SLX4IP: variants seen among roughly 807,000 people sequenced by gnomAD.
SLX4IP encodes SLX4 interacting protein.
A neutral mutation model predicts 32.9 loss-of-function variants in SLX4IP; 34 were observed. The ratio of observed to expected loss-of-function variants is 1.03; its 90% CI spans 0.79 to 1.38. SLX4IP has a LOEUF of 1.38. Ranked by LOEUF, SLX4IP falls within the 40% of genes most tolerant of loss-of-function variation. The probability of loss-of-function intolerance (pLI) is 0.00; values close to 1 mark genes in which losing one functional copy is unlikely to be tolerated. For synonymous variants in SLX4IP, 172 were observed against 171.7 expected (o/e 1.00, Z -0.01); for missense variants, 444 against 479.0 (o/e 0.93, Z 0.68).
intron 4 of SLX4IP, among the ~76,000 whole-genome samples, chr20:10,581,473 T>C (rs1253128258): frequency 6.6e-6 from 1 of 152,172 alleles, no homozygotes; most frequent in African/African-American, 2.4e-5. Context: ...CAAGATGTAG[T>C]GTATTATTAC....
rs148747218 is a variant in SLX4IP, at chr20:10,556,235, G to A, written c.32G>A (p.Gly11Glu). The A allele has an allele frequency of 6.2e-7, 1 of 1,613,156 alleles. No homozygotes were observed. The highest frequency in any genetic ancestry group is 8.5e-7 in the Non-Finnish European group (1 of 1,179,750). ...TCTGCCATTAATGTCTTTCAGTGTGGGAATTTTGCTGTCCTCGTGGATCTT... is the reference window on the plus strand; with the variant it reads ...TCTGCCATTAATGTCTTTCAGTGTGAGAATTTTGCTGTCCTCGTGGATCTT... MASKKFAVKC[G>E]NFAVLVDLHI... The change falls in exon 3 of 8, where the codon GGG becomes GAG. Residue 11 changes from glycine to glutamate, a missense_variant. Transcript: ENST00000334534.
intron 2 of SLX4IP, among the ~76,000 whole-genome samples, chr20:10,538,940 G>T (rs981442169): frequency 6.6e-6 from 1 of 152,216 alleles, no homozygotes; most frequent in Non-Finnish European, 1.5e-5. Context: ...AAGGAATTAA[G>T]GGTGGGGAAT....
intron 2 of SLX4IP, among the ~76,000 whole-genome samples, chr20:10,550,166 A>G (rs543006178): frequency 3.2e-4 from 49 of 152,326 alleles, no homozygotes; most frequent in African/African-American, 7.2e-4. Context: ...ACTTGGGACT[A>G]TGGTGGGAAT....
At chr20:10,587,396 A>G (rs887500978) in intron 4 of SLX4IP, among the ~76,000 whole-genome samples, 2 of 152,190 alleles carry the variant, frequency 1.3e-5, no homozygotes, top group African/African-American at 4.8e-5. Flanking sequence ...TAACAGTGTT[A>G]GCTTTATAAT....
chr20:10,444,189 T>G (rs1445545845), intron 1 of SLX4IP, among the ~76,000 whole-genome samples: 1 of 152,188 alleles, frequency 6.6e-6, no homozygotes, highest in African/African-American at 2.4e-5. Flanking sequence ...TAGAGGTACT[T>G]TAAGAGGCTG....
chr20:10,436,075 G>A (rs2065110526), intron 1 of SLX4IP, among the ~76,000 whole-genome samples: 1 of 151,874 alleles, frequency 6.6e-6, no homozygotes, highest in South Asian at 2.1e-4. Context: ...TTTTTGGCCG[G>A]GTGTAGGAAT....
chr20:10,582,154 G>C (rs1373795536), intron 4 of SLX4IP, among the ~76,000 whole-genome samples: 3 of 152,176 alleles, frequency 2.0e-5, no homozygotes, highest in African/African-American at 7.2e-5. Context: ...TTCATGGAAT[G>C]ACAGGGCTGT....
intron 2 of SLX4IP, among the ~76,000 whole-genome samples, chr20:10,536,817 G>A (rs529156813): frequency 3.1e-4 from 47 of 152,358 alleles, no homozygotes; most frequent in African/African-American, 1.1e-3. Context: ...ATGGAACCAT[G>A]TGAGGGTCTA....
At position 10,450,646 on chromosome 20, in the gene SLX4IP, G is replaced by A. The variant is rs1352994514; in HGVS notation, c.-29-7530G>A. Among the ~76,000 whole-genome samples, 4 of 152,184 alleles carry A rather than the reference G, an allele frequency of 2.6e-5. No individual in the cohort carries two copies. In the East Asian group the frequency reaches 7.7e-4, roughly 29 times the overall value. On this transcript the variant is annotated intron_variant, in intron 1 of 7. Transcript: ENST00000334534. ...AAAAAATTAGGATCTCATCACATAG[G>A]AGGCAAACATTAAAACATTAAAAAT...
intron 2 of SLX4IP, among the ~76,000 whole-genome samples, chr20:10,498,316 T>G (rs1183096235): frequency 6.6e-6 from 1 of 152,004 alleles, no homozygotes; most frequent in East Asian, 1.9e-4. Context: ...TAGGTCAATC[T>G]GTTAGCAGAA....
At chr20:10,528,943 C>T (rs1008408274) in intron 2 of SLX4IP, among the ~76,000 whole-genome samples, 9 of 152,186 alleles carry the variant, frequency 5.9e-5, no homozygotes, top group Non-Finnish European at 1.2e-4. Context: ...CCTGAGCTTT[C>T]CTTTATGCAC....
In SLX4IP at chr20:10,622,977, C is replaced by T. The variant is rs1319642440; in HGVS notation, c.825C>T (p.Ser275=). 1.2e-6 allele frequency: 2 copies of T among 1,614,050 alleles called. No homozygotes were observed. Among genetic ancestry groups the T allele is most frequent in the East Asian group, 2.2e-5 (1 of 44,880 alleles). ...TGLLSRSPVC[S]CESASPCPKQ... ...TTCTAAGCAGGAGCCCCGTCTGTAG[C>T]TGTGAGTCAGCATCACCATGTCCAA... is the stretch of plus-strand genomic sequence containing the variant. The change falls in exon 8 of 8, where the codon AGC becomes AGT. Residue 275 remains serine (S), a synonymous_variant. Coordinates refer to ENST00000334534, the MANE Select transcript of SLX4IP (RefSeq NM_001009608.3).
chr20:10,610,477 G>A (rs777377777), intron 6 of SLX4IP, among the ~76,000 whole-genome samples: 4 of 152,368 alleles, frequency 2.6e-5, no homozygotes, highest in South Asian at 2.1e-4. Context: ...GGCCAGACAC[G>A]TGTGGAATGA....
At chr20:10,538,127 C>G (rs138469861) in intron 2 of SLX4IP, among the ~76,000 whole-genome samples, 2 of 152,066 alleles carry the variant, frequency 1.3e-5, no homozygotes, top group African/African-American at 2.4e-5. Context: ...TTTGTTGTTC[C>G]GGGCAGCTGG....
At chr20:10,617,498 C>G (rs2067050134) in intron 6 of SLX4IP, among the ~76,000 whole-genome samples, 1 of 152,164 alleles carries the variant, frequency 6.6e-6, no homozygotes, top group Non-Finnish European at 1.5e-5. Context: ...CCCTATCTCC[C>G]ATTAATCCAA....
intron 2 of SLX4IP, among the ~76,000 whole-genome samples, chr20:10,458,902 G>C (rs2065311782): frequency 6.6e-6 from 1 of 152,148 alleles, no homozygotes; most frequent in Non-Finnish European, 1.5e-5. Flanking sequence ...TGGGTCAAAT[G>C]GCATATCTGC....
At chr20:10,613,155 A>G in intron 6 of SLX4IP, 2 of 467,960 alleles carry the variant, frequency 4.3e-6, no homozygotes, top group Non-Finnish European at 7.8e-6. Flanking sequence ...CAGAAGATCC[A>G]TGGAGGCAAG....
At position 10,481,129 on chromosome 20, in the gene SLX4IP, C is replaced by A. The variant is rs376198258; in HGVS notation, c.27+22898C>A. ...ATATGTGTACTTGTTTTGGTATGTT[C>A]ATTCTTCAGAGACATTCTTTTTTAA... On this transcript the variant is annotated intron_variant, in intron 2 of 7. Transcript: ENST00000334534. 3.3e-5 allele frequency among the ~76,000 whole-genome samples: 5 copies of A among 151,186 alleles called. No homozygotes were observed. The South Asian group carries it at 6.3e-4, about 19-fold the overall frequency.
intron 4 of SLX4IP, among the ~76,000 whole-genome samples, chr20:10,572,286 C>T: frequency 6.6e-6 from 1 of 152,200 alleles, no homozygotes; most frequent in Non-Finnish European, 1.5e-5. Context: ...GTCCTCATTG[C>T]TTTGGTATCC....
Sources: allele counts gnomAD v4.1 joint callset (sites outside exome capture counted in the v4.1 genomes callset), GRCh38; gene constraint gnomAD v4.1.1; transcripts MANE v1.5; gene names NCBI Gene and HGNC (gene_info 2026-07-23, HGNC 2026-07-21).